Variants in AMOTL1 observed in about 807,000 individuals in gnomAD.
AMOTL1 encodes the protein angiomotin like 1.
A neutral mutation model predicts 102.9 loss-of-function variants in AMOTL1; 45 were observed. The ratio of observed to expected loss-of-function variants is 0.44; its 90% CI spans 0.34 to 0.56. The LOEUF (loss-of-function observed/expected upper bound fraction) is 0.56. Ranked by LOEUF, AMOTL1 falls within the 20% of genes least tolerant of loss-of-function variation. The probability of loss-of-function intolerance (pLI) is 0.01; values close to 1 mark genes in which losing one functional copy is unlikely to be tolerated. For missense variants in AMOTL1, 1,114 were observed against 1,225.6 expected, an observed-to-expected ratio of 0.91 and a Z score of 1.36; for synonymous variants, 481 against 484.7, an observed-to-expected ratio of 0.99 and a Z score of 0.10.
At chr11:94,797,257 C>T (rs1043691654) in intron 2 of AMOTL1, among the ~76,000 whole-genome samples, 3 of 152,076 alleles carry the variant, frequency 2.0e-5, no homozygotes, top group African/African-American at 4.8e-5. Context: ...GGAGGGAAAG[C>T]GATTTGTTTA....
chr11:94,843,448 T>C (rs564734487), intron 6 of AMOTL1, among the ~76,000 whole-genome samples: 2 of 152,306 alleles, frequency 1.3e-5, no homozygotes, highest in East Asian at 3.9e-4. Context: ...TAAATAGTTT[T>C]GTAGACAGTA....
chr11:94,779,358 G>T (rs1951073862), intron 1 of AMOTL1, among the ~76,000 whole-genome samples: 1 of 152,108 alleles, frequency 6.6e-6, no homozygotes, highest in African/African-American at 2.4e-5. Context: ...AAATCATTAT[G>T]AACATCAGTA....
chr11:94,747,148 TA>T (rs1950598796), intron 3 of AMOTL1, among the ~76,000 whole-genome samples: 1 of 152,186 alleles, frequency 6.6e-6, no homozygotes, highest in Non-Finnish European at 1.5e-5. Context: ...TTTTTTAGTA[TA>T]AAAGCAGTAT....
At chr11:94,822,095 G>A (rs1464472686) in intron 4 of AMOTL1, among the ~76,000 whole-genome samples, 2 of 152,192 alleles carry the variant, frequency 1.3e-5, no homozygotes, top group African/African-American at 4.8e-5. Context: ...CGGAGACTCA[G>A]AGGCTAAGTA....
At chr11:94,796,857 G>A (rs971129896) in intron 2 of AMOTL1, 46 of 370,480 alleles carry the variant, frequency 1.2e-4, no homozygotes, top group Non-Finnish European at 1.6e-4. Context: ...ACCTTCTAAT[G>A]GCATATGTCT....
At chr11:94,865,381 A>T (rs908690430) in intron 10 of AMOTL1, among the ~76,000 whole-genome samples, 1 of 152,194 alleles carries the variant, frequency 6.6e-6, no homozygotes, top group African/African-American at 2.4e-5. Flanking sequence ...TGGGAGCCCT[A>T]GGCCTCTTAT....
chr11:94,770,955 T>C (rs913784656), intron 1 of AMOTL1, among the ~76,000 whole-genome samples: 3 of 152,110 alleles, frequency 2.0e-5, no homozygotes, highest in Non-Finnish European at 4.4e-5. Context: ...AGGGAAAAGA[T>C]GGCTGAACTA....
In AMOTL1 at chr11:94,789,180, A is replaced by G. The variant is rs1565352132; in HGVS notation, c.50-5831A>G. ...TATTTCTGTATTTTTATTTTTTGAGACAGAGTCTAGCTCTGTCACCCAGGC... is the reference window on the plus strand; with the variant it reads ...TATTTCTGTATTTTTATTTTTTGAGGCAGAGTCTAGCTCTGTCACCCAGGC... On this transcript the variant is annotated intron_variant, in intron 1 of 12. Transcript: ENST00000433060. Among the ~76,000 whole-genome samples the G allele has an allele frequency of 1.3e-5, 2 of 152,082 alleles. 1 individual carries two copies. Among genetic ancestry groups the G allele is most frequent in the African/African-American group, 4.8e-5 (2 of 41,402 alleles).
At chr11:94,828,777 G>C (rs944156801) in intron 4 of AMOTL1, among the ~76,000 whole-genome samples, 6 of 152,164 alleles carry the variant, frequency 3.9e-5, no homozygotes, top group Admixed American at 1.3e-4. Context: ...AGAAAAGAGG[G>C]TCCCTGGCTC....
At chr11:94,865,920 A>G in intron 10 of AMOTL1, 22 bp from the exon 11 acceptor site, 1 of 1,597,396 alleles carries the variant, frequency 6.3e-7, no homozygotes, top group Non-Finnish European at 8.5e-7. Flanking sequence ...TTTTATGGAG[A>G]CTGTTTTGTT....
At chr11:94,852,129 G>T (rs550044889) in intron 7 of AMOTL1, among the ~76,000 whole-genome samples, 32 of 152,320 alleles carry the variant, frequency 2.1e-4, no homozygotes, top group Admixed American at 2.0e-3. Context: ...TATTTTGTCA[G>T]ATGAGGCTGC....
intron 8 of AMOTL1, among the ~76,000 whole-genome samples, chr11:94,855,159 C>T (rs537924219): frequency 4.6e-5 from 7 of 152,318 alleles, no homozygotes; most frequent in African/African-American, 1.7e-4. Flanking sequence ...CTGGATAGGG[C>T]ATAGTGGTTG....
chr11:94,808,024 C>T (rs1013462180), intron 3 of AMOTL1, among the ~76,000 whole-genome samples: 4 of 122,904 alleles, frequency 3.3e-5, no homozygotes, highest in South Asian at 6.1e-4. Context: ...AGGGAAAAGT[C>T]GAGCTGGAAA....
rs372865386 is a variant in AMOTL1 at position 94,718,326 on chromosome 11, TTAAC to T, written c.-50-10592_-50-10589del. On this transcript the variant is annotated intron_variant, in intron 1 of 4. Coordinates refer to the AMOTL1 transcript ENST00000299004. ...ATTTACAATATAACTATACCTTACT[TTAAC>T]TATTTATTGACAGTCATTAAAATTT... Among the ~76,000 whole-genome samples, 398 of 152,150 alleles carry T rather than the reference TTAAC, an allele frequency of 2.6e-3. 5 individuals carry two copies. Among genetic ancestry groups the T allele is most frequent in the South Asian group, 0.011 (51 of 4,826 alleles).
At chr11:94,815,952 CTT>C (rs1222229858) in intron 3 of AMOTL1, among the ~76,000 whole-genome samples, 3 of 151,890 alleles carry the variant, frequency 2.0e-5, no homozygotes, top group South Asian at 2.1e-4. Flanking sequence ...GGAAGAAAAA[CTT>C]TATATGATCA....
Position 94,869,371 on chromosome 11 carries a change from C to G in AMOTL1, c.2662C>G (p.Pro888Ala), listed in dbSNP as rs760463351. ...TGACAAGAGTGCCGAGCTCTTCTGG[C>G]CCAGCATGGCCTCCCTTCCCAGCCG... ...QTDKSAELFW[P>A]SMASLPSRGR... The change falls in exon 12 of 13, where the codon CCC becomes GCC. Residue 888 changes from proline to alanine, a missense_variant. Coordinates refer to ENST00000433060, the MANE Select transcript of AMOTL1 (RefSeq NM_130847.3). 1.2e-6 allele frequency: 2 copies of G among 1,608,532 alleles called. No homozygotes were observed. The highest frequency in any genetic ancestry group is 1.7e-6 in the Non-Finnish European group (2 of 1,177,694).
At chr11:94,857,631 G>A (rs1339090529) in intron 8 of AMOTL1, among the ~76,000 whole-genome samples, 1 of 152,238 alleles carries the variant, frequency 6.6e-6, no homozygotes, top group Non-Finnish European at 1.5e-5. Context: ...TTTACAAAGA[G>A]CTCAAATTAA....
intron 3 of AMOTL1, among the ~76,000 whole-genome samples, chr11:94,812,105 C>T (rs924565235): frequency 6.6e-6 from 1 of 152,190 alleles, no homozygotes; most frequent in Non-Finnish European, 1.5e-5. Flanking sequence ...AGCAAATTGT[C>T]CTATTGATCC....
intron 3 of AMOTL1, chr11:94,741,061 C>T: frequency 1.7e-6 from 2 of 1,182,670 alleles, no homozygotes. Context: ...GGGGGGCGTC[C>T]ATAGGAACTC....
Sources: allele counts gnomAD v4.1 joint callset (sites outside exome capture counted in the v4.1 genomes callset), GRCh38; gene constraint gnomAD v4.1.1; transcripts MANE v1.5; gene names NCBI Gene and HGNC (gene_info 2026-07-23, HGNC 2026-07-21).